ADSS1: variants seen among roughly 807,000 people sequenced by gnomAD.
The protein encoded by ADSS1 is adenylosuccinate synthetase isozyme 1.
A neutral mutation model predicts 59.1 loss-of-function variants in ADSS1; 57 were observed. The observed-to-expected ratio is 0.97, with a 90% confidence interval of 0.78 to 1.20. ADSS1 has a LOEUF of 1.20. Among genes scored for constraint, ADSS1 ranks in the 50% most tolerant of loss-of-function variants. ADSS1 has a pLI of 0.00. For missense variants in ADSS1, 603 were observed against 610.3 expected (o/e 0.99, Z 0.13); for synonymous variants, 247 against 249.4 (o/e 0.99, Z 0.09).
intron 3 of ADSS1, among the ~76,000 whole-genome samples, chr14:104,738,972 G>A (rs555060265): frequency 7.2e-5 from 11 of 152,304 alleles, no homozygotes; most frequent in African/African-American, 2.6e-4. Context: ...GCACCAGGGG[G>A]TACCCAGACT....
At chr14:104,729,179 GC>G (rs1890807547) in intron 1 of ADSS1, among the ~76,000 whole-genome samples, 2 of 152,176 alleles carry the variant, frequency 1.3e-5, no homozygotes, top group Admixed American at 1.3e-4. Context: ...GCAGTAAAGG[GC>G]CTATGGACTG....
At chr14:104,726,782 C>T (rs1479231161) in intron 1 of ADSS1, among the ~76,000 whole-genome samples, 1 of 152,204 alleles carries the variant, frequency 6.6e-6, no homozygotes, top group Non-Finnish European at 1.5e-5. Flanking sequence ...TCAAAGTGCA[C>T]GCCGTGGGCA....
intron 1 of ADSS1, among the ~76,000 whole-genome samples, chr14:104,732,978 C>T (rs756256791): frequency 2.2e-4 from 34 of 152,266 alleles, no homozygotes; most frequent in Middle Eastern, 6.8e-3. Flanking sequence ...TGCCCCGTCC[C>T]GATGGACTGA....
intron 9 of ADSS1, 36 bp from the exon 10 acceptor site, chr14:104,743,031 G>C (rs373545490): frequency 1.2e-6 from 2 of 1,610,732 alleles, no homozygotes; most frequent in Non-Finnish European, 1.7e-6. Context: ...AGGCTCCCAC[G>C]ACAGCTCACA....
intron 2 of ADSS1, chr14:104,737,651 A>G (rs1292702717): frequency 6.6e-6 from 1 of 152,382 alleles, no homozygotes; most frequent in African/African-American, 2.4e-5. Context: ...ATCTTCACAC[A>G]CTGAAATGCT....
Position 104,740,113 on chromosome 14 carries a change from C to T in ADSS1, c.476+297C>T, listed in dbSNP as rs151233085. 1.7e-3 allele frequency among the ~76,000 whole-genome samples: 257 copies of T among 152,268 alleles called. 1 individual carries two copies. The highest frequency in any genetic ancestry group is 3.2e-3 in the Admixed American group (49 of 15,298). ...ACCCACCACCTTTCCTGACTCCACA[C>T]GGCCCCAGGGAAGACACGAGGAACA... On this transcript the variant is annotated intron_variant, in intron 5 of 12. Transcript: ENST00000330877. The surrounding 1 kb of genome is among the most constrained non-coding windows in gnomAD (Gnocchi z 4.8).
chr14:104,742,983 T>C, intron 9 of ADSS1, 84 bp from the exon 10 acceptor site: 1 of 1,585,294 alleles, frequency 6.3e-7, no homozygotes, highest in Non-Finnish European at 8.6e-7. Flanking sequence ...GAGAGCTGTG[T>C]GCAGGGAGGA....
intron 1 of ADSS1, among the ~76,000 whole-genome samples, chr14:104,732,397 G>A (rs1448297867): frequency 1.3e-5 from 2 of 152,210 alleles, no homozygotes; most frequent in Admixed American, 1.3e-4. Context: ...ACTGGTGATG[G>A]GGAGGACAGA....
intron 2 of ADSS1, chr14:104,737,742 T>C (rs1437256864): frequency 6.6e-6 from 1 of 152,268 alleles, no homozygotes; most frequent in Non-Finnish European, 1.5e-5. Context: ...TGAATTTCAC[T>C]TTTCCAGGGA....
At chr14:104,739,528 A>G (rs1891254175) in intron 4 of ADSS1, 150 bp downstream of exon 4, 2 of 1,013,080 alleles carry the variant, frequency 2.0e-6, no homozygotes, top group South Asian at 1.6e-5. Flanking sequence ...ACCCTTTTCA[A>G]AGAGCTTCAA....
chr14:104,735,902 C>T (rs976673808), intron 2 of ADSS1, among the ~76,000 whole-genome samples: 2 of 152,222 alleles, frequency 1.3e-5, no homozygotes, highest in Admixed American at 6.5e-5. Context: ...AGCCAGGCCC[C>T]TTCTTGTACT....
intron 11 of ADSS1, 34 bp downstream of exon 11, chr14:104,744,943 G>A (rs1245126986): frequency 6.2e-7 from 1 of 1,600,684 alleles, no homozygotes; most frequent in Non-Finnish European, 8.6e-7. Context: ...CTGCCTGTTG[G>A]GCCGTTTCAT....
Position 104,738,401 on chromosome 14 carries a change from A to G in ADSS1, c.321A>G (p.Pro107=), listed in dbSNP as rs1172351904. 8.7e-6 allele frequency: 14 copies of G among 1,613,886 alleles called. No individual in the cohort carries two copies. Among genetic ancestry groups the G allele is most frequent in the Non-Finnish European group, 1.1e-5 (13 of 1,179,912 alleles). ...GCAACGGGGTGGTCATCCACTTGCC[A>G]GGCTTGTTTGAGGAAGCAGAGAAGA... The part of the protein sequence containing the change: ...FIGNGVVIHL[P]GLFEEAEKNE... Residue 107 remains proline (P), a synonymous_variant, in exon 3 of 13, where the codon CCA becomes CCG. Coordinates refer to ENST00000330877, the MANE Select transcript of ADSS1 (RefSeq NM_152328.5).
At position 104,743,148 on chromosome 14, in the gene ADSS1, C is replaced by T. The variant is rs1482361886; in HGVS notation, c.1030C>T (p.Leu344=). ...GAAGAGGCGCTGCGGCTGGCTCGACCTGATGATTCTAAGATATGCTCACAT... is the reference window on the plus strand; with the variant it reads ...GAAGAGGCGCTGCGGCTGGCTCGACTTGATGATTCTAAGATATGCTCACAT... The part of the protein sequence containing the change: ...GRKRRCGWLD[L]MILRYAHMVN... The change falls in exon 10 of 13, where the codon CTG becomes TTG. Residue 344 remains leucine (L), a synonymous_variant. Coordinates refer to ENST00000330877, the MANE Select transcript of ADSS1 (RefSeq NM_152328.5). 1 of 1,612,550 alleles carries T rather than the reference C, an allele frequency of 6.2e-7. No individual in the cohort carries two copies. Among genetic ancestry groups the T allele is most frequent in the South Asian group, 1.1e-5 (1 of 91,082 alleles).
At position 104,746,451 on chromosome 14, in the gene ADSS1, G is replaced by A. The variant is rs76787928; in HGVS notation, c.1321+66G>A. The A allele has an allele frequency of 5.9e-3, 9,205 of 1,547,070 alleles. 116 individuals are homozygous for A. The highest frequency in any genetic ancestry group is 0.038 in the Middle Eastern group (169 of 4,412). On this transcript the variant is annotated intron_variant, in intron 12 of 12. Transcript: ENST00000330877. Reference sequence around the variant, plus strand: ...GATGCCCCAAGGGGCCCACATCCCAGCGCAGGGCTTGGTGAGCAATAAGAA... The same window carrying A: ...GATGCCCCAAGGGGCCCACATCCCAACGCAGGGCTTGGTGAGCAATAAGAA...
chr14:104,734,833 C>G (rs1002817043), intron 1 of ADSS1, among the ~76,000 whole-genome samples, 187 bp from the exon 2 acceptor site: 7 of 152,240 alleles, frequency 4.6e-5, no homozygotes, highest in Non-Finnish European at 8.8e-5. Flanking sequence ...TGCTGCCCTC[C>G]TTCCAAGGTG....
At chr14:104,727,131 C>G (rs1890737853) in intron 1 of ADSS1, among the ~76,000 whole-genome samples, 1 of 152,184 alleles carries the variant, frequency 6.6e-6, no homozygotes, top group Admixed American at 6.5e-5. Context: ...CTGCCCAAAG[C>G]CCCGCACGGC....
rs547741505 is a variant in ADSS1 at position 104,729,880 on chromosome 14, G to A, written c.193-5140G>A. On this transcript the variant is annotated intron_variant, in intron 1 of 12. Transcript: ENST00000330877. ...CGTGGCGTCGGCGTCGTGGGGAGGAGCGTGGCGTCGGCATGGTGGGGAGGA... is the reference window on the plus strand; with the variant it reads ...CGTGGCGTCGGCGTCGTGGGGAGGAACGTGGCGTCGGCATGGTGGGGAGGA... The A allele has an allele frequency of 1.3e-6, 2 of 1,481,854 alleles. 1 individual carries two copies. Among genetic ancestry groups the A allele is most frequent in the South Asian group, 2.6e-5 (2 of 77,172 alleles). 91.8% of individuals were successfully genotyped at this position (1,481,854 alleles called of 1,614,324 possible).
Position 104,742,932 on chromosome 14 carries a change from G to A in ADSS1, c.949-135G>A, listed in dbSNP as rs562606925. 462 of 1,318,714 alleles carry A rather than the reference G, an allele frequency of 3.5e-4. 1 individual carries two copies. The highest frequency in any genetic ancestry group is 2.0e-4 in the Non-Finnish European group (191 of 947,804). The allele number at this position is 1,318,714 out of a possible 1,614,324, so 81.7% of individuals were successfully genotyped here. ...GTGTGGGGATGTCCGGGAGCTGGAT[G>A]TAAGGACTGTCGGTGGAGGCGGGGC... On this transcript the variant is annotated intron_variant, in intron 9 of 12. Coordinates refer to ENST00000330877, the MANE Select transcript of ADSS1 (RefSeq NM_152328.5).
Sources: allele counts gnomAD v4.1 joint callset (sites outside exome capture counted in the v4.1 genomes callset), GRCh38; gene constraint gnomAD v4.1.1; non-coding constraint Gnocchi (gnomAD v3.1); transcripts MANE v1.5; gene names NCBI Gene and HGNC (gene_info 2026-07-23, HGNC 2026-07-21).